Variants in PLXNA4 observed in about 807,000 individuals in gnomAD.
PLXNA4 encodes the protein plexin-A4.
In PLXNA4, 44 loss-of-function variants were observed where a neutral mutation model predicts 191.8. The observed-to-expected ratio is 0.23, with a 90% CI of 0.18 to 0.29. The LOEUF is 0.29. Ranked by LOEUF, PLXNA4 falls within the 10% of genes least tolerant of loss-of-function variation. The pLI is 1.00. For missense variants in PLXNA4, 1,800 were observed against 2,488.8 expected (o/e 0.72, Z 5.89); for synonymous variants, 1,082 against 1,009.5 (o/e 1.07, Z -1.36).
chr7:132,151,541 GAGAA>G (rs1795638268), intron 25 of PLXNA4, among the ~76,000 whole-genome samples: 1 of 121,586 alleles, frequency 8.2e-6, no homozygotes, highest in Non-Finnish European at 1.8e-5. Flanking sequence ...GGAGGAGGAG[GAGAA>G]AGGAGGAGGA....
chr7:132,279,622 G>A (rs1055346956), intron 4 of PLXNA4, among the ~76,000 whole-genome samples: 2 of 152,034 alleles, frequency 1.3e-5, no homozygotes, highest in African/African-American at 4.8e-5. Context: ...GAGACAGAGT[G>A]AGACTCTGTC....
chr7:132,271,008 G>T (rs1003684164), intron 4 of PLXNA4: 1 of 152,110 alleles, frequency 6.6e-6, no homozygotes, highest in South Asian at 2.1e-4. Flanking sequence ...AGTTATGTGA[G>T]GCCATATGAC....
chr7:132,336,096 A>T (rs574959495), intron 3 of PLXNA4, among the ~76,000 whole-genome samples: 1 of 152,362 alleles, frequency 6.6e-6, no homozygotes, highest in East Asian at 1.9e-4. Flanking sequence ...GGATGGCAAG[A>T]TTCAAGGCCC....
chr7:132,533,670 T>C (rs1799714579), intron 1 of PLXNA4, among the ~76,000 whole-genome samples: 1 of 152,220 alleles, frequency 6.6e-6, no homozygotes, highest in Non-Finnish European at 1.5e-5. Flanking sequence ...CTCTGATCAG[T>C]GGAAGCCGGG....
chr7:132,331,219 G>T (rs1563039983), intron 3 of PLXNA4, among the ~76,000 whole-genome samples: 1 of 152,254 alleles, frequency 6.6e-6, no homozygotes, highest in Non-Finnish European at 1.5e-5. Flanking sequence ...TTCCTAATGG[G>T]CTCAGCTGAG....
chr7:132,548,053 T>C (rs1300792246), intron 1 of PLXNA4, among the ~76,000 whole-genome samples: 1 of 152,062 alleles, frequency 6.6e-6, no homozygotes. Flanking sequence ...ACAGAGCCCT[T>C]TGAATTGGTG....
chr7:132,439,185 A>T (rs3752708), intron 3 of PLXNA4, among the ~76,000 whole-genome samples: 117,493 of 152,082 alleles, frequency 0.77, 47,788 homozygotes, highest in Non-Finnish European at 0.91. Flanking sequence ...CTTGCAGTGC[A>T]GCTGGCAGGT....
At chr7:132,238,633 A>G (rs1282903861) in intron 5 of PLXNA4, among the ~76,000 whole-genome samples, 1 of 152,246 alleles carries the variant, frequency 6.6e-6, no homozygotes, top group East Asian at 1.9e-4. Context: ...CTGGTGCTAC[A>G]TGGAAACACG....
intron 1 of PLXNA4, among the ~76,000 whole-genome samples, chr7:132,570,133 A>G (rs932294793): frequency 3.3e-5 from 5 of 152,200 alleles, no homozygotes; most frequent in Admixed American, 3.3e-4. Flanking sequence ...CTTTACACCC[A>G]GGGTTTTGCA....
At chr7:132,359,205 G>T (rs1355468127) in intron 3 of PLXNA4, among the ~76,000 whole-genome samples, 2 of 141,330 alleles carry the variant, frequency 1.4e-5, no homozygotes, top group Non-Finnish European at 3.0e-5. Context: ...AAAAGTCAAG[G>T]CTGCTTTTTT....
intron 1 of PLXNA4, among the ~76,000 whole-genome samples, chr7:132,571,238 C>T (rs1801965885): frequency 6.6e-6 from 1 of 152,212 alleles, no homozygotes; most frequent in Admixed American, 6.5e-5. Flanking sequence ...GGGATTCACA[C>T]CCACACCTTT....
In PLXNA4 at chr7:132,391,920, A is replaced by C. The variant is rs141192167; in HGVS notation, c.1372-93698T>G. Among the ~76,000 whole-genome samples, 645 of 152,304 alleles carry C rather than the reference A, an allele frequency of 4.2e-3. 1 individual carries two copies. Among genetic ancestry groups the C allele is most frequent in the African/African-American group, 0.015 (618 of 41,556 alleles). ...GGCAGGTGGATCACCTGAGGTCAGG[A>C]GTTTAAGACCAGCCTGGCCAACATG... On this transcript the variant is annotated intron_variant, in intron 3 of 31. Transcript: ENST00000321063.
rs77815613 is a variant in PLXNA4, at chr7:132,355,621, T to C, written c.1372-57399A>G. Among the ~76,000 whole-genome samples the C allele has an allele frequency of 2.4e-3, 362 of 152,224 alleles. 3 individuals carry two copies. Among genetic ancestry groups the C allele is most frequent in the African/African-American group, 8.3e-3 (343 of 41,534 alleles). On this transcript the variant is annotated intron_variant, in intron 3 of 31. Coordinates refer to ENST00000321063, the MANE Select transcript of PLXNA4 (RefSeq NM_020911.2). ...TAGGAATGAGAGATGCAGCCACAAA[T>C]AGGAGAAAATCCCTTTTCTCATGTA... is the stretch of plus-strand genomic sequence containing the variant.
Position 132,241,185 on chromosome 7 carries a change from G to A in PLXNA4, c.1504-19C>T. On this transcript the variant is annotated intron_variant, in intron 4 of 31. Transcript: ENST00000321063. Reference sequence around the variant, plus strand: ...TGGTGAGCTAGGACAGCAGGATAGGGAGAAGGTGGTCAAGATTTTGCAGAA... The same window carrying A: ...TGGTGAGCTAGGACAGCAGGATAGGAAGAAGGTGGTCAAGATTTTGCAGAA... The A allele has an allele frequency of 6.3e-7, 1 of 1,591,594 alleles. No homozygotes were observed. The highest frequency in any genetic ancestry group is 1.1e-5 in the South Asian group (1 of 89,262).
At chr7:132,500,368 G>C (rs139912350) in intron 2 of PLXNA4, among the ~76,000 whole-genome samples, 1 of 151,968 alleles carries the variant, frequency 6.6e-6, no homozygotes, top group Admixed American at 6.6e-5. Context: ...GCTTGAACCC[G>C]GGAAGCATGG....
intron 3 of PLXNA4, among the ~76,000 whole-genome samples, chr7:132,377,314 C>T (rs898461733): frequency 1.1e-4 from 17 of 151,840 alleles, no homozygotes; most frequent in African/African-American, 4.1e-4. Context: ...GCCAAGTGAC[C>T]TTTGCCTCCT....
At chr7:132,343,257 A>C (rs998373618) in intron 3 of PLXNA4, among the ~76,000 whole-genome samples, 2 of 152,200 alleles carry the variant, frequency 1.3e-5, no homozygotes, top group Non-Finnish European at 2.9e-5. Flanking sequence ...CATAAAATTG[A>C]CCATCTTAAT....
intron 3 of PLXNA4, among the ~76,000 whole-genome samples, chr7:132,442,566 GTTCTTT>G (rs1049077670): frequency 6.6e-6 from 1 of 152,108 alleles, no homozygotes; most frequent in African/African-American, 2.4e-5. Context: ...GGTTCTTTCT[GTTCTTT>G]TTCTTTTTTC....
At chr7:132,423,041 T>A (rs1374426274) in intron 3 of PLXNA4, among the ~76,000 whole-genome samples, 3 of 152,224 alleles carry the variant, frequency 2.0e-5, no homozygotes, top group Non-Finnish European at 2.9e-5. Context: ...TCATCATCCC[T>A]GCCCCGCTAG....
Sources: gnomAD v4.1 joint callset for allele counts (sites outside exome capture counted in the v4.1 genomes callset) on GRCh38, gnomAD v4.1.1 for gene constraint, MANE v1.5 for transcripts, NCBI Gene and HGNC (gene_info 2026-07-23, HGNC 2026-07-21) for gene names.